Variants in MYO3B observed in about 807,000 individuals in gnomAD.
The protein encoded by MYO3B is myosin IIIB, also known as myosin-IIIb.
A neutral mutation model predicts 174.6 loss-of-function variants in MYO3B; 156 were observed. The observed-to-expected ratio is 0.89, with a 90% CI of 0.78 to 1.02. MYO3B has a LOEUF of 1.02. Ranked by LOEUF, MYO3B falls within the 50% of genes least tolerant of loss-of-function variation. The pLI is 0.00. For missense variants in MYO3B, 1,632 were observed against 1,639.4 expected (o/e 1.00, Z 0.08); for synonymous variants, 563 against 569.1 (o/e 0.99, Z 0.15).
chr2:170,321,405 C>G (rs1234525546), intron 7 of MYO3B, among the ~76,000 whole-genome samples: 1 of 151,854 alleles, frequency 6.6e-6, no homozygotes, highest in African/African-American at 2.4e-5. Flanking sequence ...CGTTTATTAA[C>G]TAACCTAATC....
In MYO3B at chr2:170,501,864, A is replaced by G. The variant is rs777548434; in HGVS notation, c.3369A>G (p.Ala1123=). 5 of 1,602,074 alleles carry G rather than the reference A, an allele frequency of 3.1e-6. No individual in the cohort carries two copies. Among genetic ancestry groups the G allele is most frequent in the African/African-American group, 2.7e-5 (2 of 74,654 alleles). ...ATGAGTCTGCTGCTCATAATCAAGC[A>G]GGTAATTAAAACATCATTTTCACAG... ...RRNESAAHNQ[A]GDTSNQSSGP... Residue 1123 remains alanine (A), a splice_region_variant and synonymous_variant, in exon 28 of 35, where the codon GCA becomes GCG. Transcript: ENST00000408978.
At chr2:170,305,088 TTAGATTTCTAGTTACA>T (rs2093692075) in intron 7 of MYO3B, among the ~76,000 whole-genome samples, 1 of 152,140 alleles carries the variant, frequency 6.6e-6, no homozygotes. Flanking sequence ...TTTTAGAAAT[TTAGATTTCTAGTTACA>T]CTGGAACTTT....
intron 22 of MYO3B, among the ~76,000 whole-genome samples, chr2:170,443,713 T>G (rs542552457): frequency 6.6e-6 from 1 of 152,030 alleles, no homozygotes; most frequent in East Asian, 1.9e-4. Context: ...GTGAATTTAA[T>G]AATTTTATGT....
chr2:170,607,217 G>A (rs1694868914), intron 32 of MYO3B, among the ~76,000 whole-genome samples: 1 of 152,098 alleles, frequency 6.6e-6, no homozygotes, highest in African/African-American at 2.4e-5. Flanking sequence ...ATTTCAAAAG[G>A]TACAAACTAA....
At chr2:170,530,749 A>G (rs534880853) in intron 30 of MYO3B, among the ~76,000 whole-genome samples, 1 of 152,214 alleles carries the variant, frequency 6.6e-6, no homozygotes, top group African/African-American at 2.4e-5. Flanking sequence ...TGTTTAAATT[A>G]TTTTTACTAG....
chr2:170,226,571 C>T (rs2092954197), intron 6 of MYO3B, among the ~76,000 whole-genome samples: 1 of 152,182 alleles, frequency 6.6e-6, no homozygotes, highest in Non-Finnish European at 1.5e-5. Flanking sequence ...TCCCTCTCAG[C>T]TGGAGCTCTG....
At position 170,626,637 on chromosome 2, in the gene MYO3B, G is replaced by A. The variant is rs188205792; in HGVS notation, c.3734-24991G>A. On this transcript the variant is annotated intron_variant, in intron 32 of 34. Coordinates refer to ENST00000408978, the MANE Select transcript of MYO3B (RefSeq NM_138995.5). ...CTCATTAGTTGATGCAGTTTCTTCC[G>A]AGGATAGATGGTCTTTACAATTTGG... Among the ~76,000 whole-genome samples, 1,050 of 152,240 alleles carry A rather than the reference G, an allele frequency of 6.9e-3. 16 individuals carry two copies. Among genetic ancestry groups the A allele is most frequent in the African/African-American group, 0.024 (994 of 41,536 alleles).
chr2:170,634,054 T>C (rs1697253079), intron 32 of MYO3B, among the ~76,000 whole-genome samples: 1 of 152,154 alleles, frequency 6.6e-6, no homozygotes, highest in South Asian at 2.1e-4. Flanking sequence ...AGGTAATTTA[T>C]AGATGCAATG....
At chr2:170,461,889 A>G (rs1314618034) in intron 23 of MYO3B, among the ~76,000 whole-genome samples, 1 of 152,194 alleles carries the variant, frequency 6.6e-6, no homozygotes, top group African/African-American at 2.4e-5. Flanking sequence ...AAAGTTGAAG[A>G]AAATCCAGAA....
chr2:170,361,295 G>C (rs1196154345), intron 8 of MYO3B, among the ~76,000 whole-genome samples: 1 of 152,208 alleles, frequency 6.6e-6, no homozygotes, highest in African/African-American at 2.4e-5. Context: ...TGCTGGGGCT[G>C]TGTTTATCTG....
intron 7 of MYO3B, among the ~76,000 whole-genome samples, chr2:170,332,509 G>C (rs1215196508): frequency 6.6e-6 from 1 of 152,112 alleles, no homozygotes; most frequent in Non-Finnish European, 1.5e-5. Context: ...AATTTATATT[G>C]CCAGTCCAAA....
chr2:170,558,265 T>C lies in MYO3B; in HGVS notation c.3733+14277T>C, dbSNP rs529512972. ...GCGGTGAGCTGAGATCGTACCACTG[T>C]ACTCCAGCCTGGTACAGACAGAGTG... On this transcript the variant is annotated intron_variant, in intron 32 of 34. Transcript: ENST00000408978. Among the ~76,000 whole-genome samples the C allele has an allele frequency of 2.1e-4, 31 of 151,180 alleles. No individual in the cohort carries two copies. The East Asian group carries it at 5.1e-3, about 25-fold the overall frequency.
At chr2:170,243,216 G>C (rs985834534) in intron 7 of MYO3B, among the ~76,000 whole-genome samples, 1 of 152,186 alleles carries the variant, frequency 6.6e-6, no homozygotes, top group Non-Finnish European at 1.5e-5. Flanking sequence ...GGTTTCTCTG[G>C]GTGGTTCTGC....
chr2:170,336,346 A>G (rs1228403154), intron 8 of MYO3B, among the ~76,000 whole-genome samples: 2 of 152,066 alleles, frequency 1.3e-5, no homozygotes, highest in African/African-American at 2.4e-5. Flanking sequence ...GGAAGGGTCA[A>G]CACAAATTTT....
chr2:170,192,311 T>A (rs1287378400), intron 1 of MYO3B, among the ~76,000 whole-genome samples: 2 of 151,024 alleles, frequency 1.3e-5, no homozygotes, highest in African/African-American at 2.4e-5. Flanking sequence ...ATTTTTTTTA[T>A]TTGTATTTAT....
chr2:170,395,486 T>C (rs533748467), intron 16 of MYO3B, among the ~76,000 whole-genome samples: 87 of 152,302 alleles, frequency 5.7e-4, no homozygotes, highest in Non-Finnish European at 9.1e-4. Flanking sequence ...CAAAATTTCT[T>C]CCCTTTCTTC....
chr2:170,398,748 G>T (rs544671672), intron 16 of MYO3B, among the ~76,000 whole-genome samples: 6 of 152,124 alleles, frequency 3.9e-5, no homozygotes, highest in Non-Finnish European at 8.8e-5. Context: ...TAGTCCCTCC[G>T]TATATGTGAG....
chr2:170,651,800 C>A, intron 33 of MYO3B, 66 bp downstream of exon 33: 1 of 1,375,352 alleles, frequency 7.3e-7, no homozygotes, highest in Non-Finnish European at 1.0e-6. Flanking sequence ...TCTGTTATTA[C>A]TACCTGTTCC....
At chr2:170,367,376 C>T (rs985933521) in intron 8 of MYO3B, among the ~76,000 whole-genome samples, 1 of 152,174 alleles carries the variant, frequency 6.6e-6, no homozygotes, top group South Asian at 2.1e-4. Flanking sequence ...GAGAAACAGA[C>T]ATAATGTGAC....
Sources: gnomAD v4.1 joint callset for allele counts (sites outside exome capture counted in the v4.1 genomes callset) on GRCh38, gnomAD v4.1.1 for gene constraint, MANE v1.5 for transcripts, NCBI Gene and HGNC (gene_info 2026-07-23, HGNC 2026-07-21) for gene names.